The following B4GALT5 variants were observed in gnomAD, a reference collection of about 807,000 sequenced individuals.
The protein encoded by B4GALT5 is UDP-Gal:beta-GlcNAc beta-1,4-galactosyltransferase 5.
Under a neutral mutation model 45.0 loss-of-function variants are expected in B4GALT5, and 11 were observed. The observed-to-expected ratio is 0.24, with a 90% CI of 0.15 to 0.40. The LOEUF is 0.40. Ranked by LOEUF, B4GALT5 falls within the 10% of genes least tolerant of loss-of-function variation. B4GALT5 has a pLI of 1.00. For synonymous variants in B4GALT5, 185 were observed against 182.9 expected (o/e 1.01, Z -0.09); for missense variants, 337 against 500.2 (o/e 0.67, Z 3.11).
At chr20:49,707,440 A>T (rs1164651409) in intron 1 of B4GALT5, among the ~76,000 whole-genome samples, 1 of 152,014 alleles carries the variant, frequency 6.6e-6, no homozygotes, top group Non-Finnish European at 1.5e-5. Context: ...ATATTTCCCC[A>T]TATGTATTTC....
rs769304953 is a variant in B4GALT5 at position 49,707,709 on chromosome 20, G to A, written c.115+5867C>T. Among the ~76,000 whole-genome samples, 32 of 152,178 alleles carry A rather than the reference G, an allele frequency of 2.1e-4. No homozygotes were observed. In the South Asian group the frequency reaches 3.5e-3, roughly 17 times the overall value. ...GGCTCATTGCAGCCTCGACCTCCCAGGCTCAGGTGATCTTCTGACCTCAGC... is the reference window on the plus strand; with the variant it reads ...GGCTCATTGCAGCCTCGACCTCCCAAGCTCAGGTGATCTTCTGACCTCAGC... On this transcript the variant is annotated intron_variant, in intron 1 of 8. Transcript: ENST00000371711.
At chr20:49,692,054 C>G (rs1710923420) in intron 1 of B4GALT5, among the ~76,000 whole-genome samples, 2 of 152,250 alleles carry the variant, frequency 1.3e-5, no homozygotes, top group South Asian at 4.2e-4. Flanking sequence ...CCCACTTACC[C>G]CATGTCTGTA....
intron 1 of B4GALT5, among the ~76,000 whole-genome samples, chr20:49,708,545 C>A (rs977552616): frequency 1.3e-5 from 2 of 152,194 alleles, no homozygotes; most frequent in African/African-American, 4.8e-5. Context: ...AATCAAATTT[C>A]TCTTGGAACT....
At chr20:49,665,015 G>A (rs929098458) in intron 1 of B4GALT5, among the ~76,000 whole-genome samples, 2 of 152,146 alleles carry the variant, frequency 1.3e-5, no homozygotes, top group Non-Finnish European at 2.9e-5. Flanking sequence ...TGTTGCAACT[G>A]CCAGGTTAAG....
At chr20:49,674,924 C>T (rs2085731393) in intron 1 of B4GALT5, among the ~76,000 whole-genome samples, 1 of 152,152 alleles carries the variant, frequency 6.6e-6, no homozygotes. Context: ...CAACTCTACC[C>T]ACAATGGACA....
At position 49,691,868 on chromosome 20, in the gene B4GALT5, G is replaced by A. The variant is rs181142135; in HGVS notation, c.115+21708C>T. On this transcript the variant is annotated intron_variant, in intron 1 of 8. Coordinates refer to ENST00000371711, the MANE Select transcript of B4GALT5 (RefSeq NM_004776.4). Reference sequence around the variant, plus strand: ...TTTTAAAATCCAAAATAAAGATACCGGGGAAAAAACAAAACCCTAGGCAGT... The same window carrying A: ...TTTTAAAATCCAAAATAAAGATACCAGGGAAAAAACAAAACCCTAGGCAGT... Among the ~76,000 whole-genome samples, 57 of 152,086 alleles carry A rather than the reference G, an allele frequency of 3.7e-4. No homozygotes were observed. In the East Asian group the frequency reaches 7.2e-3, roughly 19 times the overall value.
intron 6 of B4GALT5, 96 bp downstream of exon 6, chr20:49,640,382 A>G: frequency 3.6e-6 from 4 of 1,105,016 alleles, no homozygotes; most frequent in Non-Finnish European, 5.0e-6. Context: ...CCATCAGTTG[A>G]TGGGCATCTA....
At chr20:49,647,149 C>T (rs1047336572) in intron 2 of B4GALT5, 71 bp from the exon 3 acceptor site, 11 of 861,426 alleles carry the variant, frequency 1.3e-5, no homozygotes, top group African/African-American at 8.4e-5. Flanking sequence ...CAGATGCCTA[C>T]CAAGTAAGTC....
intron 1 of B4GALT5, among the ~76,000 whole-genome samples, chr20:49,681,042 T>G (rs2146348971): frequency 6.6e-6 from 1 of 151,776 alleles, no homozygotes; most frequent in East Asian, 1.9e-4. Flanking sequence ...GAAACAGAGT[T>G]AAACCTTATT....
In B4GALT5 at chr20:49,632,961, G is replaced by GT. The variant is rs1458287785; in HGVS notation, c.*3350dup. 6.6e-6 allele frequency: 1 copy of GT among 152,464 alleles called. No homozygotes were observed. Among genetic ancestry groups the GT allele is most frequent in the Non-Finnish European group, 1.5e-5 (1 of 68,026 alleles). 9.4% of individuals were successfully genotyped at this position (152,464 alleles called of 1,614,324 possible). ...CCACCAAGGTTTGGTTCTTGAATAT[G>GT]TATTTTTTACTGAAAAAATCATTCA... On this transcript the variant is annotated 3_prime_UTR_variant, in exon 9 of 9. Transcript: ENST00000371711.
intron 1 of B4GALT5, among the ~76,000 whole-genome samples, chr20:49,665,968 C>T (rs2085688780): frequency 1.3e-5 from 2 of 151,882 alleles, no homozygotes; most frequent in South Asian, 2.1e-4. Context: ...GGAGCAAGAG[C>T]GAAAGGGCTT....
chr20:49,667,250 GTGT>G (rs67984513), intron 1 of B4GALT5, among the ~76,000 whole-genome samples: 67,030 of 144,666 alleles, frequency 0.46, 16,221 homozygotes, highest in South Asian at 0.64. Flanking sequence ...TTTTTGGCTT[GTGT>G]TGTTGTTGTT....
At chr20:49,659,634 A>G (rs1285725507) in intron 1 of B4GALT5, among the ~76,000 whole-genome samples, 1 of 152,222 alleles carries the variant, frequency 6.6e-6, no homozygotes, top group Non-Finnish European at 1.5e-5. Context: ...TCACAAATCC[A>G]CAACTTGGGA....
At chr20:49,695,180 T>C (rs954390242) in intron 1 of B4GALT5, among the ~76,000 whole-genome samples, 1 of 150,252 alleles carries the variant, frequency 6.7e-6, no homozygotes, top group African/African-American at 2.5e-5. Flanking sequence ...ATGGCTTTTA[T>C]TGAACAATCT....
intron 1 of B4GALT5, among the ~76,000 whole-genome samples, chr20:49,689,567 C>T (rs2085801578): frequency 6.6e-6 from 1 of 152,162 alleles, no homozygotes; most frequent in South Asian, 2.1e-4. Context: ...ATCTTGATTC[C>T]ACTATTAACT....
At chr20:49,664,700 G>A (rs141714320) in intron 1 of B4GALT5, among the ~76,000 whole-genome samples, 136 of 152,304 alleles carry the variant, frequency 8.9e-4, no homozygotes, top group Middle Eastern at 6.8e-3. Flanking sequence ...AAGCTTAAGT[G>A]TAATCATAGT....
Position 49,635,442 on chromosome 20 carries a change from T to TG in B4GALT5, c.*869dup, listed in dbSNP as rs11481143. On this transcript the variant is annotated 3_prime_UTR_variant, in exon 9 of 9. Transcript: ENST00000371711. ...GAGCAGAAGTCAAGGGCAAGACTCG[T>TG]GGGGGGGGGAAGAAAGGGACAGAAG... The TG allele has an allele frequency of 0.46, 69,616 of 150,076 alleles. 16,899 individuals are homozygous for TG. Among genetic ancestry groups the TG allele is most frequent in the South Asian group, 0.63 (2,960 of 4,724 alleles). 9.3% of individuals were successfully genotyped at this position (150,076 alleles called of 1,614,324 possible).
At chr20:49,676,687 C>A (rs879282007) in intron 1 of B4GALT5, among the ~76,000 whole-genome samples, 4 of 152,202 alleles carry the variant, frequency 2.6e-5, no homozygotes, top group Admixed American at 2.6e-4. Context: ...CGTACAAACT[C>A]CCTAAAGTCA....
intron 1 of B4GALT5, among the ~76,000 whole-genome samples, chr20:49,663,574 C>T (rs1041480522): frequency 6.7e-6 from 1 of 149,846 alleles, no homozygotes; most frequent in Non-Finnish European, 1.5e-5. Flanking sequence ...CATGGTGGCA[C>T]ACACCTATGG....
Sources: gnomAD v4.1 joint callset for allele counts (sites outside exome capture counted in the v4.1 genomes callset) on GRCh38, gnomAD v4.1.1 for gene constraint, MANE v1.5 for transcripts, NCBI Gene and HGNC (gene_info 2026-07-23, HGNC 2026-07-21) for gene names.